LRRC69: variants seen among roughly 807,000 people sequenced by gnomAD.
The protein encoded by LRRC69 is leucine rich repeat containing 69.
In LRRC69, 42 loss-of-function variants were observed where a neutral mutation model predicts 37.8. That is an observed-to-expected ratio of 1.11 (90% CI 0.87 to 1.44). LRRC69 has a LOEUF of 1.44. LRRC69 is among the 40% of genes most tolerant of loss of function. The pLI is 0.00. For synonymous variants in LRRC69, 141 were observed against 143.1 expected, an observed-to-expected ratio of 0.99 and a Z score of 0.11; for missense variants, 357 against 401.9, an observed-to-expected ratio of 0.89 and a Z score of 0.96.
chr8:91,176,131 T>TAC, intron 5 of LRRC69, among the ~76,000 whole-genome samples: 1 of 74,422 alleles, frequency 1.3e-5, no homozygotes, highest in South Asian at 5.0e-4. Context: ...TATATATATA[T>TAC]ATATTTTTTT....
chr8:91,179,731 A>G (rs1809292737), intron 5 of LRRC69, among the ~76,000 whole-genome samples: 1 of 152,246 alleles, frequency 6.6e-6, no homozygotes, highest in South Asian at 2.1e-4. Flanking sequence ...TTATTGAAAA[A>G]TATTTATTGA....
At chr8:91,210,780 T>G (rs1809899329) in intron 7 of LRRC69, among the ~76,000 whole-genome samples, 1 of 152,088 alleles carries the variant, frequency 6.6e-6, no homozygotes, top group Non-Finnish European at 1.5e-5. Context: ...ATTAAAAACA[T>G]AATGGTTAAA....
chr8:91,153,393 CAAACAACAGAATATACAGTCTT>C (rs955395899), intron 5 of LRRC69, among the ~76,000 whole-genome samples: 1 of 150,960 alleles, frequency 6.6e-6, no homozygotes, highest in Non-Finnish European at 1.5e-5. Flanking sequence ...TTTCCACCCC[CAAACAACAGAATATACAGTCTT>C]CTCAGTGCCA....
chr8:91,204,847 T>C (rs1008688402), intron 7 of LRRC69, among the ~76,000 whole-genome samples: 4 of 152,262 alleles, frequency 2.6e-5, no homozygotes, highest in African/African-American at 7.2e-5. Context: ...CTATATGTGT[T>C]GTTCATCATG....
intron 5 of LRRC69, among the ~76,000 whole-genome samples, chr8:91,140,340 G>A (rs924245825): frequency 3.3e-5 from 5 of 151,918 alleles, no homozygotes; most frequent in Admixed American, 1.3e-4. Context: ...CTTCTTGAAT[G>A]AATGGGTATT....
chr8:91,116,661 C>T (rs1037010777), intron 1 of LRRC69, among the ~76,000 whole-genome samples: 6 of 151,726 alleles, frequency 4.0e-5, no homozygotes, highest in African/African-American at 1.2e-4. Context: ...GAATATAGGC[C>T]GTAGAATGAA....
At chr8:91,164,044 A>T (rs2130569548) in intron 5 of LRRC69, among the ~76,000 whole-genome samples, 1 of 151,652 alleles carries the variant, frequency 6.6e-6, no homozygotes, top group East Asian at 1.9e-4. Context: ...CAGGAGTGAG[A>T]GTATGAGGCA....
intron 1 of LRRC69, among the ~76,000 whole-genome samples, chr8:91,115,275 G>A (rs530566350): frequency 4.6e-5 from 7 of 152,094 alleles, no homozygotes; most frequent in African/African-American, 1.7e-4. Context: ...TTAAATAATA[G>A]GATGAGATTT....
At chr8:91,194,715 G>T (rs1170219075) in intron 6 of LRRC69, among the ~76,000 whole-genome samples, 1 of 152,014 alleles carries the variant, frequency 6.6e-6, no homozygotes, top group Admixed American at 6.5e-5. Flanking sequence ...ATTTTTTATT[G>T]CGTCTATTTG....
At chr8:91,124,037 GTCTTATGGCCTAGC>G (rs1813675339) in intron 1 of LRRC69, among the ~76,000 whole-genome samples, 1 of 151,964 alleles carries the variant, frequency 6.6e-6, no homozygotes, top group South Asian at 2.1e-4. Flanking sequence ...TAATAGAGTG[GTCTTATGGCCTAGC>G]TCATTTGGGA....
At chr8:91,147,671 A>C (rs561045017) in intron 5 of LRRC69, among the ~76,000 whole-genome samples, 5 of 151,896 alleles carry the variant, frequency 3.3e-5, no homozygotes, top group African/African-American at 1.2e-4. Context: ...AAAAAATCTT[A>C]CGAAGTTTTA....
intron 3 of LRRC69, among the ~76,000 whole-genome samples, chr8:91,131,613 T>A (rs1360212937): frequency 6.6e-6 from 1 of 151,938 alleles, no homozygotes; most frequent in Non-Finnish European, 1.5e-5. Context: ...TTCATGAAGG[T>A]TTTTTTATAC....
At chr8:91,191,041 ACCC>A (rs58095353) in intron 6 of LRRC69, among the ~76,000 whole-genome samples, 9 of 114,492 alleles carry the variant, frequency 7.9e-5, no homozygotes, top group African/African-American at 1.9e-4. Flanking sequence ...CCTGTCTCAA[ACCC>A]CCCCCCCCCC....
exon 7 of LRRC69, chr8:91,200,779 T>A: frequency 2.0e-6 from 3 of 1,531,694 alleles, no homozygotes. Context: ...GTTCGATTTG[T>A]TCCTCCACCA....
chr8:91,139,072 T>C (rs1808477925), intron 5 of LRRC69: 1 of 151,868 alleles, frequency 6.6e-6, no homozygotes, highest in Non-Finnish European at 1.5e-5. Context: ...AGAAATATCT[T>C]GGTTCTTTTA....
chr8:91,122,464 ATCTAGGTATCTC>A (rs1813643382), intron 1 of LRRC69, among the ~76,000 whole-genome samples: 1 of 152,102 alleles, frequency 6.6e-6, no homozygotes, highest in Admixed American at 6.6e-5. Context: ...CCTACTTCAC[ATCTAGGTATCTC>A]TTTGTGTTCT....
chr8:91,110,689 A>C (rs895184814), intron 1 of LRRC69, among the ~76,000 whole-genome samples: 3 of 152,042 alleles, frequency 2.0e-5, no homozygotes, highest in African/African-American at 7.2e-5. Flanking sequence ...GTCAAAACCA[A>C]GTAATTAAAA....
Position 91,149,438 on chromosome 8 carries a change from G to A in LRRC69, c.651+13699G>A, listed in dbSNP as rs113739289. Among the ~76,000 whole-genome samples the A allele has an allele frequency of 4.5e-4, 68 of 151,864 alleles. No homozygotes were observed. The South Asian group carries it at 5.8e-3, about 13-fold the overall frequency. ...CTGAGGGCTCTGTTCTGTTCCATTG[G>A]TCTATATCTCTGTTTTGGTACCAGT... On this transcript the variant is annotated intron_variant, in intron 5 of 7. Transcript: ENST00000448384.
At chr8:91,217,810 T>C (rs927200561) in intron 7 of LRRC69, among the ~76,000 whole-genome samples, 30 of 152,270 alleles carry the variant, frequency 2.0e-4, no homozygotes, top group African/African-American at 6.3e-4. Context: ...AATATCTTTG[T>C]AGGAAAAAAG....
Sources: gnomAD v4.1 joint callset for allele counts (sites outside exome capture counted in the v4.1 genomes callset) on GRCh38, gnomAD v4.1.1 for gene constraint, MANE v1.5 for transcripts, NCBI Gene and HGNC (gene_info 2026-07-23, HGNC 2026-07-21) for gene names.